Variants in GPRIN3 observed in about 807,000 individuals in gnomAD.
The protein encoded by GPRIN3 is G protein-regulated inducer of neurite outgrowth 3.
GPRIN3 carries 12 observed loss-of-function variants against 13.7 expected under a neutral mutation model. The observed-to-expected ratio is 0.87, with a 90% CI of 0.56 to 1.42. The LOEUF (loss-of-function observed/expected upper bound fraction) is 1.42. GPRIN3 is among the 40% of genes most tolerant of loss of function. GPRIN3 has a pLI of 0.00. For missense variants in GPRIN3, 1,009 were observed against 958.7 expected (o/e 1.05, Z -0.69); for synonymous variants, 377 against 372.7 (o/e 1.01, Z -0.13).
intron 1 of GPRIN3, among the ~76,000 whole-genome samples, chr4:89,280,182 T>A (rs1724208682): frequency 1.3e-5 from 2 of 152,260 alleles, no homozygotes; most frequent in Middle Eastern, 3.4e-3. Context: ...ATATCTCCTA[T>A]GTCTACCCAC....
At chr4:89,296,750 T>C (rs1167057692) in intron 1 of GPRIN3, among the ~76,000 whole-genome samples, 1 of 152,252 alleles carries the variant, frequency 6.6e-6, no homozygotes, top group African/African-American at 2.4e-5. Flanking sequence ...AGAAATGTTA[T>C]TTGCTGAACA....
chr4:89,292,060 C>A (rs576589503), intron 1 of GPRIN3, among the ~76,000 whole-genome samples: 6 of 152,118 alleles, frequency 3.9e-5, no homozygotes, highest in Non-Finnish European at 7.4e-5. Context: ...AGCTCTGCCA[C>A]CCCATCCCAA....
rs528736272 is a variant in GPRIN3 at position 89,264,817 on chromosome 4, A to G, written c.-123-14584T>C. 2.0e-5 allele frequency among the ~76,000 whole-genome samples: 3 copies of G among 152,264 alleles called. No homozygotes were observed. In the South Asian group the frequency reaches 6.2e-4, roughly 32 times the overall value. On this transcript the variant is annotated intron_variant, in intron 1 of 1. Transcript: ENST00000609438. ...CCAGCTGAAATTACTATTTTTTTCC[A>G]TAACATTAATCACCTAAAATACCAA... is the stretch of plus-strand genomic sequence containing the variant.
In GPRIN3 at chr4:89,248,612, G is replaced by T; in HGVS notation, c.1499C>A (p.Thr500Lys). 6.2e-7 allele frequency: 1 copy of T among 1,614,120 alleles called. No individual in the cohort carries two copies. Among genetic ancestry groups the T allele is most frequent in the Non-Finnish European group, 8.5e-7 (1 of 1,179,944 alleles). ...TRPSEFAEKTTNGHKTDPDCK... is the reference protein window; with the variant it reads ...TRPSEFAEKTKNGHKTDPDCK... ...ATCTGGGTCTGTTTTGTGGCCGTTT[G>T]TCGTTTTCTCTGCAAACTCAGATGG... The change falls in exon 2 of 2, where the codon ACA (threonine) becomes AAA (lysine). Residue 500 changes from threonine to lysine, a missense_variant. Transcript: ENST00000609438.
intron 1 of GPRIN3, among the ~76,000 whole-genome samples, chr4:89,257,772 A>T (rs1723508951): frequency 6.6e-6 from 1 of 152,202 alleles, no homozygotes; most frequent in Non-Finnish European, 1.5e-5. Context: ...ACAGTAACAG[A>T]AAACTCAAAA....
intron 1 of GPRIN3, among the ~76,000 whole-genome samples, chr4:89,275,420 C>T (rs1456003508): frequency 6.6e-6 from 1 of 152,140 alleles, no homozygotes; most frequent in African/African-American, 2.4e-5. Context: ...AGCAGCCACT[C>T]AATGCTGGAT....
At position 89,248,653 on chromosome 4, in the gene GPRIN3, C is replaced by T. The variant is rs1405956399; in HGVS notation, c.1458G>A (p.Gly486=). ...CSQAETSYGL[G]KFETRPSEFA... ...ACTCAGATGGCCTGGTTTCAAATTT[C>T]CCCAATCCATAACTTGTTTCAGCTT... Residue 486 remains glycine, a synonymous_variant, in exon 2 of 2, where the codon GGG becomes GGA. Transcript: ENST00000609438. The T allele has an allele frequency of 6.8e-6, 11 of 1,613,928 alleles. No individual in the cohort carries two copies. Among genetic ancestry groups the T allele is most frequent in the Non-Finnish European group, 8.5e-6 (10 of 1,179,988 alleles).
intron 1 of GPRIN3, among the ~76,000 whole-genome samples, chr4:89,262,769 C>T (rs919321783): frequency 1.3e-5 from 2 of 152,166 alleles, no homozygotes; most frequent in African/African-American, 4.8e-5. Flanking sequence ...TTACTTTTCC[C>T]AGACTTTCTG....
At chr4:89,263,631 G>T (rs1014218329) in intron 1 of GPRIN3, among the ~76,000 whole-genome samples, 8 of 152,146 alleles carry the variant, frequency 5.3e-5, no homozygotes, top group Admixed American at 2.0e-4. Context: ...GAATTTTCGT[G>T]GCTGTAGGAC....
At position 89,248,008 on chromosome 4, in the gene GPRIN3, G is replaced by A. The variant is rs193188486; in HGVS notation, c.2103C>T (p.Asp701=). 76 of 1,614,090 alleles carry A rather than the reference G, an allele frequency of 4.7e-5. No individual in the cohort carries two copies. The highest frequency in any genetic ancestry group is 3.3e-4 in the Middle Eastern group (2 of 6,062). The change falls in exon 2 of 2, where the codon GAC becomes GAT. Residue 701 remains aspartate (D), a synonymous_variant. Transcript: ENST00000609438. ...MTWEVYGASL[D]AESLGIAIQN... ...GGATCGCGATTCCCAGGGACTCTGC[G>A]TCCAAGGATGCACCATACACTTCCC...
intron 1 of GPRIN3, among the ~76,000 whole-genome samples, chr4:89,299,295 G>A (rs935864878): frequency 3.9e-5 from 6 of 152,072 alleles, no homozygotes; most frequent in African/African-American, 1.4e-4. Context: ...TCGGAGTGAA[G>A]CTGTTGAAAC....
intron 1 of GPRIN3, among the ~76,000 whole-genome samples, chr4:89,285,470 G>A (rs62304747): frequency 0.042 from 6,428 of 152,220 alleles, 199 homozygotes; most frequent in Middle Eastern, 0.065. Flanking sequence ...TTACTGCAAT[G>A]CCATGGTCTT....
rs1491070729 is a variant in GPRIN3, at chr4:89,303,898, TCA to T, written c.-124+3715_-124+3716del. Reference sequence around the variant, plus strand: ...GAAATTTATTTTTTTAAAAAGTAACTCATGTAATATTTCAGTCCAAGCAGAAA... The same window carrying T: ...GAAATTTATTTTTTTAAAAAGTAACTTGTAATATTTCAGTCCAAGCAGAAA... On this transcript the variant is annotated intron_variant, in intron 1 of 1. Transcript: ENST00000609438. Among the ~76,000 whole-genome samples the T allele has an allele frequency of 3.9e-5, 5 of 128,152 alleles. No individual in the cohort carries two copies. In the Admixed American group the frequency reaches 4.3e-4, roughly 11 times the overall value. 84.1% of individuals were successfully genotyped at this position (128,152 alleles called of 152,430 possible). A position where few individuals can be genotyped will look rare whatever the true frequency, so the allele number is the denominator to read the frequency against.
intron 1 of GPRIN3, among the ~76,000 whole-genome samples, chr4:89,300,702 C>T (rs1724872009): frequency 6.6e-6 from 1 of 152,118 alleles, no homozygotes. Context: ...CATTTTCACT[C>T]ACTTAATCAG....
Position 89,286,553 on chromosome 4 carries a change from TTTTC to T in GPRIN3, c.-124+21058_-124+21061del, listed in dbSNP as rs1214207086. 3.9e-5 allele frequency among the ~76,000 whole-genome samples: 6 copies of T among 152,202 alleles called. No homozygotes were observed. In the East Asian group the frequency reaches 7.7e-4, roughly 19 times the overall value. ...AAAAGTTTTATAGTTCTCTTGCCTT[TTTTC>T]TTTGTGTTTTTTAGAATGTGACTCC... On this transcript the variant is annotated intron_variant, in intron 1 of 1. Transcript: ENST00000609438.
chr4:89,264,305 C>G (rs1723725880), intron 1 of GPRIN3, among the ~76,000 whole-genome samples: 1 of 152,212 alleles, frequency 6.6e-6, no homozygotes, highest in African/African-American at 2.4e-5. Flanking sequence ...CCAGTTTGAT[C>G]TCTGCACACC....
At chr4:89,285,158 C>A (rs1724366726) in intron 1 of GPRIN3, among the ~76,000 whole-genome samples, 1 of 141,400 alleles carries the variant, frequency 7.1e-6, no homozygotes. Flanking sequence ...CCCCTTCCCC[C>A]AAACTGCCTT....
rs1296347193 is a variant in GPRIN3, at chr4:89,300,394, T to C, written c.-124+7221A>G. 2.0e-5 allele frequency among the ~76,000 whole-genome samples: 3 copies of C among 152,130 alleles called. No homozygotes were observed. The East Asian group carries it at 5.8e-4, about 29-fold the overall frequency. On this transcript the variant is annotated intron_variant, in intron 1 of 1. Transcript: ENST00000609438. Reference sequence around the variant, plus strand: ...TACAGCGAAGTAATGAAGTAGCATATATATTGCTGTTCAGCTCCAGCCTAG... The same window carrying C: ...TACAGCGAAGTAATGAAGTAGCATACATATTGCTGTTCAGCTCCAGCCTAG...
chr4:89,304,083 A>G (rs1243434237), intron 1 of GPRIN3, among the ~76,000 whole-genome samples: 1 of 152,160 alleles, frequency 6.6e-6, no homozygotes, highest in Admixed American at 6.5e-5. Flanking sequence ...TCCATCTTTT[A>G]TAAACTAACT....
Sources: gnomAD v4.1 joint callset for allele counts (sites outside exome capture counted in the v4.1 genomes callset) on GRCh38, gnomAD v4.1.1 for gene constraint, MANE v1.5 for transcripts, NCBI Gene and HGNC (gene_info 2026-07-23, HGNC 2026-07-21) for gene names.